PPP2R2A: variants seen among roughly 807,000 people sequenced by gnomAD.
The protein encoded by PPP2R2A is serine/threonine-protein phosphatase 2A 55 kDa regulatory subunit B alpha isoform.
In PPP2R2A, 9 loss-of-function variants were observed where a neutral mutation model predicts 53.2. The observed-to-expected ratio is 0.17, with a 90% CI of 0.10 to 0.30. PPP2R2A has a LOEUF of 0.30. Among genes scored for constraint, PPP2R2A ranks in the 10% least tolerant of loss-of-function variants. The probability of loss-of-function intolerance (pLI) is 1.00; values close to 1 mark genes in which losing one functional copy is unlikely to be tolerated. For missense variants in PPP2R2A, 235 were observed against 534.6 expected (o/e 0.44, Z 5.53); for synonymous variants, 169 against 174.2 (o/e 0.97, Z 0.23).
chr8:26,315,203 G>A (rs1585343655), intron 2 of PPP2R2A, among the ~76,000 whole-genome samples: 1 of 152,038 alleles, frequency 6.6e-6, no homozygotes, highest in Non-Finnish European at 1.5e-5. Context: ...TTGTCTGTTA[G>A]TTCTTAAGAA....
chr8:26,361,162 G>A lies in PPP2R2A; in HGVS notation c.637+11G>A. 1 of 1,567,824 alleles carries A rather than the reference G, an allele frequency of 6.4e-7. No individual in the cohort carries two copies. Among genetic ancestry groups the A allele is most frequent in the Non-Finnish European group, 8.6e-7 (1 of 1,160,736 alleles). On this transcript the variant is annotated intron_variant, in intron 6 of 9. Coordinates refer to ENST00000380737, the MANE Select transcript of PPP2R2A (RefSeq NM_002717.4). ...CAGACAGGAGTTTTAGTATCCATTT[G>A]GTTTTCTTTGGTGTTTGGTGAAGAA...
intron 3 of PPP2R2A, among the ~76,000 whole-genome samples, chr8:26,347,635 A>G (rs1585389216): frequency 6.6e-6 from 1 of 152,260 alleles, no homozygotes; most frequent in Admixed American, 6.5e-5. Context: ...TGACTATCTT[A>G]TAGACAAATA....
At chr8:26,329,803 A>G (rs1317001386) in intron 2 of PPP2R2A, among the ~76,000 whole-genome samples, 1 of 152,228 alleles carries the variant, frequency 6.6e-6, no homozygotes, top group African/African-American at 2.4e-5. Context: ...GTGTAAATCA[A>G]GGGAATGTTA....
chr8:26,322,452 T>C (rs777405413), intron 2 of PPP2R2A, among the ~76,000 whole-genome samples: 5 of 152,150 alleles, frequency 3.3e-5, no homozygotes, highest in Non-Finnish European at 5.9e-5. Context: ...TGGTAGAGTG[T>C]CTTCCAGAGA....
At chr8:26,295,355 C>G (rs1408709577) in intron 2 of PPP2R2A, among the ~76,000 whole-genome samples, 1 of 152,116 alleles carries the variant, frequency 6.6e-6, no homozygotes, top group African/African-American at 2.4e-5. Flanking sequence ...CCTACCTGAA[C>G]CAAATAACTT....
rs1039033551 is a variant in PPP2R2A at position 26,370,323 on chromosome 8, A to G, written c.1254A>G (p.Lys418=). The change falls in exon 10 of 10, where the codon AAA becomes AAG. Residue 418 remains lysine, a synonymous_variant. Transcript: ENST00000380737. The surrounding 1 kb of genome is among the most constrained non-coding windows in gnomAD (Gnocchi z 6.1). ...TTGACAGCCTAGACTTCAATAAGAA[A>G]ATCCTTCACACAGCCTGGCACCCCA... ...ISVDSLDFNK[K]ILHTAWHPKE... is the part of the protein sequence containing the mutation. 53 of 1,614,074 alleles carry G rather than the reference A, an allele frequency of 3.3e-5. No individual in the cohort carries two copies. The highest frequency in any genetic ancestry group is 4.4e-5 in the Non-Finnish European group (52 of 1,180,034).
At chr8:26,315,126 G>A (rs942263317) in intron 2 of PPP2R2A, among the ~76,000 whole-genome samples, 2 of 152,032 alleles carry the variant, frequency 1.3e-5, no homozygotes, top group African/African-American at 4.8e-5. Context: ...TCTAATCTGA[G>A]CATCTATTTC....
chr8:26,333,294 G>C lies in PPP2R2A; in HGVS notation c.83-5596G>C, dbSNP rs142539282. ...TTACAAAAACAGGTTGTGGGCCGTA[G>C]TTTTCCAACCTGTGACTAGAGGTTA... On this transcript the variant is annotated intron_variant, in intron 2 of 9. Coordinates refer to ENST00000380737, the MANE Select transcript of PPP2R2A (RefSeq NM_002717.4). Among the ~76,000 whole-genome samples, 187 of 152,298 alleles carry C rather than the reference G, an allele frequency of 1.2e-3. 1 individual carries two copies. Among genetic ancestry groups the C allele is most frequent in the African/African-American group, 4.3e-3 (177 of 41,554 alleles).
intron 1 of PPP2R2A, 45 bp from the exon 2 acceptor site, chr8:26,293,621 A>G (rs770934804): frequency 3.2e-5 from 50 of 1,572,502 alleles, no homozygotes; most frequent in Non-Finnish European, 4.1e-5. Context: ...ACGAGAGTCA[A>G]CATAAGCAGA....
rs563878124 is a variant in PPP2R2A, at chr8:26,337,814, A to G, written c.83-1076A>G. On this transcript the variant is annotated intron_variant, in intron 2 of 9. Coordinates refer to ENST00000380737, the MANE Select transcript of PPP2R2A (RefSeq NM_002717.4). ...TTTTGGTAGATTCTGAAAGAGTTCA[A>G]AAAGATTAAATGCCTTGGACCTAGA... Among the ~76,000 whole-genome samples, 84 of 152,356 alleles carry G rather than the reference A, an allele frequency of 5.5e-4. 3 individuals are homozygous for G. In the South Asian group the frequency reaches 0.015, roughly 26 times the overall value.
intron 2 of PPP2R2A, among the ~76,000 whole-genome samples, chr8:26,324,684 A>T (rs1186481609): frequency 6.7e-6 from 1 of 149,672 alleles, no homozygotes; most frequent in African/African-American, 2.6e-5. Flanking sequence ...CAGACTACAG[A>T]ATGGTAGATC....
Position 26,338,787 on chromosome 8 carries a change from A to G in PPP2R2A, c.83-103A>G, listed in dbSNP as rs1803795079. 2.9e-6 allele frequency: 2 copies of G among 680,924 alleles called. No individual in the cohort carries two copies. Among genetic ancestry groups the G allele is most frequent in the Non-Finnish European group, 2.5e-6 (1 of 404,130 alleles). 42.2% of individuals were successfully genotyped at this position (680,924 alleles called of 1,614,324 possible). Reference sequence around the variant, plus strand: ...GGTGGTTGATGTACTTCAAAGATATACTTCATAGACTTGGAATGTTTGGGA... The same window carrying G: ...GGTGGTTGATGTACTTCAAAGATATGCTTCATAGACTTGGAATGTTTGGGA... On this transcript the variant is annotated intron_variant, in intron 2 of 9. Transcript: ENST00000380737. The surrounding 1 kb of genome is among the most constrained non-coding windows in gnomAD (Gnocchi z 4.5).
At chr8:26,357,310 A>G (rs1018961714) in intron 4 of PPP2R2A, among the ~76,000 whole-genome samples, 2 of 123,632 alleles carry the variant, frequency 1.6e-5, no homozygotes, top group African/African-American at 6.0e-5. Flanking sequence ...TAATGGGTCT[A>G]TATAAAAACT....
At chr8:26,319,960 G>T (rs934073437) in intron 2 of PPP2R2A, among the ~76,000 whole-genome samples, 2 of 152,112 alleles carry the variant, frequency 1.3e-5, no homozygotes, top group African/African-American at 4.8e-5. Context: ...TTTTTGGGTT[G>T]TTCATTGGTA....
At chr8:26,367,809 C>T (rs1407691107) in intron 9 of PPP2R2A, among the ~76,000 whole-genome samples, 1 of 152,242 alleles carries the variant, frequency 6.6e-6, no homozygotes, top group Admixed American at 6.5e-5. Flanking sequence ...CGGAGACCCA[C>T]TGAAACTGAC....
In PPP2R2A at chr8:26,354,974, A is replaced by G. The variant is rs1464165358; in HGVS notation, c.346+341A>G. ...ATTGAATTTTCCTCAGCAGCAAACT[A>G]GAGATAGCAATTTTTTATTATAGTA... is the stretch of plus-strand genomic sequence containing the variant. On this transcript the variant is annotated intron_variant, in intron 4 of 9. Transcript: ENST00000380737. The surrounding 1 kb of genome is among the most constrained non-coding windows in gnomAD (Gnocchi z 4.6). Among the ~76,000 whole-genome samples the G allele has an allele frequency of 6.6e-6, 1 of 152,244 alleles. No homozygotes were observed. The highest frequency in any genetic ancestry group is 1.9e-4 in the East Asian group (1 of 5,200).
intron 2 of PPP2R2A, among the ~76,000 whole-genome samples, chr8:26,305,134 A>G (rs575177724): frequency 1.3e-5 from 2 of 152,018 alleles, no homozygotes; most frequent in Non-Finnish European, 2.9e-5. Flanking sequence ...TGTAAATTTG[A>G]CTGCTTTAGA....
chr8:26,332,160 G>A (rs1803414474), intron 2 of PPP2R2A, among the ~76,000 whole-genome samples: 1 of 151,808 alleles, frequency 6.6e-6, no homozygotes, highest in South Asian at 2.1e-4. Flanking sequence ...TCAAGAGCAA[G>A]CCGGCCAACA....
chr8:26,314,265 T>A (rs1339067257), intron 2 of PPP2R2A, among the ~76,000 whole-genome samples: 1 of 152,184 alleles, frequency 6.6e-6, no homozygotes, highest in South Asian at 2.1e-4. Flanking sequence ...TTGAAGCACA[T>A]CAGATGTTGT....
Sources: allele counts gnomAD v4.1 joint callset (sites outside exome capture counted in the v4.1 genomes callset), GRCh38; gene constraint gnomAD v4.1.1; non-coding constraint Gnocchi (gnomAD v3.1); transcripts MANE v1.5; gene names NCBI Gene and HGNC (gene_info 2026-07-23, HGNC 2026-07-21).